The following ADAM7 variants were observed in gnomAD, a reference collection of about 807,000 sequenced individuals.
The protein encoded by ADAM7 is ADAM metallopeptidase domain 7.
A neutral mutation model predicts 102.9 loss-of-function variants in ADAM7; 97 were observed. The observed-to-expected ratio is 0.94, with a 90% confidence interval of 0.80 to 1.12. The LOEUF (loss-of-function observed/expected upper bound fraction) is 1.12. Among genes scored for constraint, ADAM7 ranks in the 50% most tolerant of loss-of-function variants. The pLI is 0.00. For synonymous variants in ADAM7, 334 were observed against 304.4 expected, an observed-to-expected ratio of 1.10 and a Z score of -1.01; for missense variants, 991 against 908.7, an observed-to-expected ratio of 1.09 and a Z score of -1.16.
chr8:24,471,581 G>T (rs1013036782), intron 7 of ADAM7, among the ~76,000 whole-genome samples: 2 of 151,888 alleles, frequency 1.3e-5, no homozygotes, highest in Non-Finnish European at 2.9e-5. Context: ...TGCTCTACAG[G>T]TTTGCAGCCT....
At chr8:24,505,265 G>C (rs1820911333) in intron 20 of ADAM7, among the ~76,000 whole-genome samples, 1 of 152,120 alleles carries the variant, frequency 6.6e-6, no homozygotes, top group African/African-American at 2.4e-5. Flanking sequence ...AATAACCATA[G>C]AGCGTAGGAC....
intron 7 of ADAM7, among the ~76,000 whole-genome samples, chr8:24,470,173 G>C (rs1819558673): frequency 6.6e-6 from 1 of 152,064 alleles, no homozygotes; most frequent in African/African-American, 2.4e-5. Flanking sequence ...ATCACAAACA[G>C]AGCATACGTT....
At position 24,482,204 on chromosome 8, in the gene ADAM7, T is replaced by C. The variant is rs760277054; in HGVS notation, c.768T>C (p.Asp256=). 6.2e-7 allele frequency: 1 copy of C among 1,608,344 alleles called. No homozygotes were observed. Among genetic ancestry groups the C allele is most frequent in the East Asian group, 2.2e-5 (1 of 44,760 alleles). The change falls in exon 9 of 22, where the codon GAT becomes GAC. Residue 256 remains aspartate, a synonymous_variant. Transcript: ENST00000175238. ...GCATTGAAATATGGACACATGAAGA[T>C]AAAATAGAACTATATTCAAATATAG... ...LVGIEIWTHE[D]KIELYSNIET... is the part of the protein sequence containing the mutation.
rs200862896 is a variant in ADAM7 at position 24,463,884 on chromosome 8, A to T, written c.236A>T (p.Glu79Val). 3.4e-4 allele frequency: 544 copies of T among 1,612,980 alleles called. 3 individuals carry two copies. The highest frequency in any genetic ancestry group is 4.4e-4 in the Non-Finnish European group (519 of 1,179,358). ...TLVLHLLRSR[E>V]FLGSNYSETF... ...CACCTGTCTGCCCTCTTTTTCAGGG[A>T]GTTCCTAGGCTCAAATTACAGTGAA... is the stretch of plus-strand genomic sequence containing the variant. The change falls in exon 4 of 22, where the codon GAG becomes GTG. Residue 79 changes from glutamate to valine, a missense_variant and splice_region_variant. Glu to Val is a moderately radical substitution (Grantham distance 121, BLOSUM62 -2). Coordinates refer to ENST00000175238, the MANE Select transcript of ADAM7 (RefSeq NM_003817.4).
At chr8:24,494,452 T>C (rs1379816508) in intron 16 of ADAM7, among the ~76,000 whole-genome samples, 1 of 151,408 alleles carries the variant, frequency 6.6e-6, no homozygotes, top group Non-Finnish European at 1.5e-5. Flanking sequence ...AAAACCAGCC[T>C]GAGATACAAA....
intron 3 of ADAM7, among the ~76,000 whole-genome samples, chr8:24,457,085 C>T (rs1264716958): frequency 6.6e-6 from 1 of 152,154 alleles, no homozygotes; most frequent in South Asian, 2.1e-4. Flanking sequence ...TATGAGAATA[C>T]TACCTGCTGT....
At chr8:24,464,556 C>A (rs1819360237) in intron 4 of ADAM7, among the ~76,000 whole-genome samples, 1 of 152,166 alleles carries the variant, frequency 6.6e-6, no homozygotes, top group African/African-American at 2.4e-5. Flanking sequence ...TTTACCAAAC[C>A]TATACATTTA....
chr8:24,508,813 C>G lies in ADAM7; in HGVS notation c.*267C>G, dbSNP rs1793837845. On this transcript the variant is annotated 3_prime_UTR_variant, in exon 22 of 22. Transcript: ENST00000175238. ...TGCTCTTTAGCACAATATAAAAATT[C>G]GTAACCTTGCTGTAGTATTTTCCTA... 1 of 1,236,706 alleles carries G rather than the reference C, an allele frequency of 8.1e-7. No individual in the cohort carries two copies. Among genetic ancestry groups the G allele is most frequent in the South Asian group, 3.7e-5 (1 of 27,394 alleles). The allele number at this position is 1,236,706 out of a possible 1,614,324, so 76.6% of individuals were successfully genotyped here.
At chr8:24,454,062 TGG>T (rs1818907436) in intron 3 of ADAM7, among the ~76,000 whole-genome samples, 1 of 152,148 alleles carries the variant, frequency 6.6e-6, no homozygotes, top group African/African-American at 2.4e-5. Flanking sequence ...CTGCCCCTAC[TGG>T]GGGGTGCCTC....
chr8:24,460,425 G>T (rs1436377521), intron 3 of ADAM7, among the ~76,000 whole-genome samples: 1 of 151,860 alleles, frequency 6.6e-6, no homozygotes, highest in African/African-American at 2.4e-5. Flanking sequence ...GATTGGCATG[G>T]TTGGAATTAT....
At chr8:24,489,413 A>T (rs770957361) in intron 12 of ADAM7, 80 bp downstream of exon 12, 17 of 1,354,016 alleles carry the variant, frequency 1.3e-5, no homozygotes, top group Non-Finnish European at 1.7e-5. Context: ...CCATTAATCA[A>T]ACCAACCGTG....
intron 21 of ADAM7, 130 bp downstream of exon 21, chr8:24,507,665 A>G (rs1278295884): frequency 1.0e-5 from 7 of 699,398 alleles, no homozygotes; most frequent in African/African-American, 2.7e-5. Flanking sequence ...TAGGAAGGTT[A>G]GAATTTTTTT....
At chr8:24,482,094 T>G in intron 8 of ADAM7, 48 bp from the exon 9 acceptor site, 1 of 1,382,774 alleles carries the variant, frequency 7.2e-7, no homozygotes, top group East Asian at 2.4e-5. Flanking sequence ...TATTGAAGAC[T>G]GTTTCCAGCA....
At chr8:24,496,615 G>C (rs569087058) in intron 16 of ADAM7, among the ~76,000 whole-genome samples, 7 of 152,334 alleles carry the variant, frequency 4.6e-5, no homozygotes, top group Admixed American at 4.6e-4. Flanking sequence ...ATCTGGATGT[G>C]AGACATGGAA....
intron 3 of ADAM7, among the ~76,000 whole-genome samples, chr8:24,448,928 T>A (rs1818671040): frequency 6.6e-6 from 1 of 152,128 alleles, no homozygotes; most frequent in Admixed American, 6.5e-5. Flanking sequence ...TTGCGATAGT[T>A]TACTGAGAAT....
chr8:24,506,029 G>T, intron 20 of ADAM7: 1 of 1,204,072 alleles, frequency 8.3e-7, no homozygotes, highest in South Asian at 1.3e-5. Context: ...TATTATGTCT[G>T]GGTCTTTCAG....
chr8:24,467,215 G>C, intron 6 of ADAM7: 1 of 571,992 alleles, frequency 1.7e-6, no homozygotes, highest in South Asian at 2.4e-5. Flanking sequence ...ACAATTCTAT[G>C]TATAGATTGA....
intron 17 of ADAM7, among the ~76,000 whole-genome samples, chr8:24,499,600 C>T (rs1036759475): frequency 6.6e-6 from 1 of 152,014 alleles, no homozygotes; most frequent in Non-Finnish European, 1.5e-5. Context: ...AAGTTTAAAT[C>T]TGATGTTTAA....
At chr8:24,454,131 C>A (rs1432887519) in intron 3 of ADAM7, among the ~76,000 whole-genome samples, 3 of 152,226 alleles carry the variant, frequency 2.0e-5, no homozygotes. Flanking sequence ...GGCAGTCTGC[C>A]CATTCTCAGA....
Sources: allele counts gnomAD v4.1 joint callset (sites outside exome capture counted in the v4.1 genomes callset), GRCh38; gene constraint gnomAD v4.1.1; transcripts MANE v1.5; gene names NCBI Gene and HGNC (gene_info 2026-07-23, HGNC 2026-07-21).